Variants in NCKAP5 observed in about 807,000 individuals in gnomAD.
NCKAP5 encodes the protein NCK associated protein 5.
NCKAP5 carries 92 observed loss-of-function variants against 167.0 expected under a neutral mutation model. That is an observed-to-expected ratio of 0.55 (90% confidence interval 0.47 to 0.66). The LOEUF (loss-of-function observed/expected upper bound fraction) is 0.66, where lower values mean the gene tolerates loss of function less well. Among genes scored for constraint, NCKAP5 ranks in the 30% least tolerant of loss-of-function variants. The pLI is 0.00. For synonymous variants in NCKAP5, 891 were observed against 877.4 expected (o/e 1.02, Z -0.27); for missense variants, 2,378 against 2,315.0 (o/e 1.03, Z -0.56).
chr2:132,680,628 C>A (rs924233501), intron 19 of NCKAP5, among the ~76,000 whole-genome samples: 1 of 151,958 alleles, frequency 6.6e-6, no homozygotes, highest in African/African-American at 2.4e-5. Flanking sequence ...CATTTAAACA[C>A]CAGATCAAGA....
intron 4 of NCKAP5, among the ~76,000 whole-genome samples, chr2:133,253,762 G>GA (rs1386195063): frequency 6.6e-6 from 1 of 152,182 alleles, no homozygotes; most frequent in Non-Finnish European, 1.5e-5. Context: ...GAAAAAAAGG[G>GA]AAAATATATG....
At chr2:133,249,486 T>C (rs2088192928) in intron 4 of NCKAP5, among the ~76,000 whole-genome samples, 1 of 152,218 alleles carries the variant, frequency 6.6e-6, no homozygotes, top group Non-Finnish European at 1.5e-5. Flanking sequence ...ATAATACATT[T>C]CTTTTGTCTC....
chr2:132,967,055 C>A (rs534962194), intron 7 of NCKAP5, among the ~76,000 whole-genome samples: 4 of 152,136 alleles, frequency 2.6e-5, no homozygotes, highest in African/African-American at 9.6e-5. Context: ...TCACGAATGA[C>A]CACAAAAGTG....
intron 6 of NCKAP5, among the ~76,000 whole-genome samples, chr2:133,001,559 G>T (rs965299600): frequency 6.6e-6 from 1 of 152,132 alleles, no homozygotes; most frequent in African/African-American, 2.4e-5. Flanking sequence ...GAGGTTCCAT[G>T]AGAATAAGGA....
chr2:133,078,764 T>C lies in NCKAP5; in HGVS notation c.341+51214A>G, dbSNP rs1391511456. On this transcript the variant is annotated intron_variant, in intron 6 of 19. Transcript: ENST00000409261. ...TTCTGTTCACTTCAGATGGATTTCA[T>C]CTGGGTAAGAATTTTGGCCTATGAA... Among the ~76,000 whole-genome samples the C allele has an allele frequency of 3.9e-5, 6 of 152,166 alleles. No homozygotes were observed. In the East Asian group the frequency reaches 1.2e-3, roughly 29 times the overall value.
rs542074370 is a variant in NCKAP5 at position 133,554,887 on chromosome 2, T to C, written c.-62+4163A>G. 6.6e-5 allele frequency among the ~76,000 whole-genome samples: 10 copies of C among 152,138 alleles called. No homozygotes were observed. In the South Asian group the frequency reaches 1.9e-3, roughly 29 times the overall value. The stretch of plus-strand genomic sequence containing the variant: ...GAACTGAAGTTACAAGTCAGAGGTA[T>C]CTAGGTGTGGAGGAGATGAGAGCAG... On this transcript the variant is annotated intron_variant, in intron 2 of 19. Transcript: ENST00000409261.
At chr2:132,921,688 C>T (rs934034666) in intron 8 of NCKAP5, among the ~76,000 whole-genome samples, 2 of 152,142 alleles carry the variant, frequency 1.3e-5, no homozygotes, top group African/African-American at 4.8e-5. Context: ...GTTGATGTTT[C>T]CTGGGCCAAC....
At chr2:133,025,143 T>A (rs2078653510) in intron 6 of NCKAP5, among the ~76,000 whole-genome samples, 1 of 152,208 alleles carries the variant, frequency 6.6e-6, no homozygotes, top group African/African-American at 2.4e-5. Flanking sequence ...TCCAATTTTC[T>A]CCAACTTATT....
chr2:132,953,835 C>T (rs1336495004), intron 8 of NCKAP5, among the ~76,000 whole-genome samples: 1 of 152,146 alleles, frequency 6.6e-6, no homozygotes, highest in African/African-American at 2.4e-5. Flanking sequence ...ATGCTCCACC[C>T]TCCAGAGGCC....
Position 133,383,844 on chromosome 2 carries a change from T to C in NCKAP5, c.70-80734A>G, listed in dbSNP as rs553295633. Among the ~76,000 whole-genome samples the C allele has an allele frequency of 2.6e-3, 399 of 152,374 alleles. 5 individuals carry two copies. The highest frequency in any genetic ancestry group is 8.7e-3 in the African/African-American group (360 of 41,586). On this transcript the variant is annotated intron_variant, in intron 3 of 19. Transcript: ENST00000409261. ...TGACAAGCATTTTTTCATGTGTCTG[T>C]TGGCTGCATAAATGTCTTCTTTTGA...
intron 5 of NCKAP5, among the ~76,000 whole-genome samples, chr2:133,191,926 T>A (rs543180874): frequency 7.2e-5 from 11 of 151,908 alleles, no homozygotes; most frequent in African/African-American, 1.9e-4. Context: ...AAAAAAAAAA[T>A]TCCAGTGAGA....
rs142286572 is a variant in NCKAP5 at position 133,201,430 on chromosome 2, T to A, written c.207+12286A>T. Among the ~76,000 whole-genome samples the A allele has an allele frequency of 4.3e-4, 66 of 152,004 alleles. 1 individual carries two copies. Among genetic ancestry groups the A allele is most frequent in the Middle Eastern group, 3.4e-3 (1 of 294 alleles). ...AAAATATAGATGAATCTCAAAAACA[T>A]TAGGTTGAAGTAAAGAAGCCAGACA... On this transcript the variant is annotated intron_variant, in intron 5 of 19. Transcript: ENST00000409261.
At chr2:132,770,763 C>T (rs1681973907) in intron 16 of NCKAP5, among the ~76,000 whole-genome samples, 1 of 152,122 alleles carries the variant, frequency 6.6e-6, no homozygotes, top group South Asian at 2.1e-4. Context: ...AACATACAGT[C>T]ATGTACAACA....
chr2:133,302,702 A>T (rs1410989220), intron 4 of NCKAP5, among the ~76,000 whole-genome samples: 2 of 145,268 alleles, frequency 1.4e-5, no homozygotes, highest in African/African-American at 5.1e-5. Context: ...TAGTGGGTGC[A>T]GCGCACCAGC....
At chr2:133,643,345 A>G in the NCKAP5 span, among the ~76,000 whole-genome samples, 8 of 152,140 alleles carry the variant, frequency 5.3e-5, no homozygotes, top group Admixed American at 5.2e-4. Context: ...TTTATATTGA[A>G]TATCTGAAAT....
chr2:133,468,839 CT>C (rs981419875), intron 3 of NCKAP5, among the ~76,000 whole-genome samples: 5 of 152,022 alleles, frequency 3.3e-5, no homozygotes, highest in African/African-American at 1.2e-4. Flanking sequence ...CAACCCCTGC[CT>C]TTTTTTGTTT....
chr2:133,418,637 T>A (rs1336451629), intron 3 of NCKAP5, among the ~76,000 whole-genome samples: 2 of 152,136 alleles, frequency 1.3e-5, no homozygotes, highest in Non-Finnish European at 1.5e-5. Context: ...CAGCCCAACA[T>A]CAAGCAAAAC....
the NCKAP5 span, among the ~76,000 whole-genome samples, chr2:133,582,704 G>A: frequency 5.9e-5 from 9 of 152,124 alleles, no homozygotes; most frequent in South Asian, 2.1e-4. Flanking sequence ...GTCTATTAGC[G>A]TTTCGATTAA....
chr2:133,057,142 C>T (rs1161371061), intron 6 of NCKAP5, among the ~76,000 whole-genome samples: 1 of 152,104 alleles, frequency 6.6e-6, no homozygotes, highest in Non-Finnish European at 1.5e-5. Context: ...AATCAATAAA[C>T]GTGTGTTCTG....
Sources: gnomAD v4.1 joint callset for allele counts (sites outside exome capture counted in the v4.1 genomes callset) on GRCh38, gnomAD v4.1.1 for gene constraint, MANE v1.5 for transcripts, NCBI Gene and HGNC (gene_info 2026-07-23, HGNC 2026-07-21) for gene names.